The following KCNMA1 variants were observed in gnomAD, a reference collection of about 807,000 sequenced individuals.
KCNMA1 encodes Calcium-activated potassium channel subunit alpha-1.
In KCNMA1, 29 loss-of-function variants were observed where a neutral mutation model predicts 140.0. The ratio of observed to expected loss-of-function variants is 0.21; its 90% confidence interval spans 0.15 to 0.28. The LOEUF is 0.28. Ranked by LOEUF, KCNMA1 falls within the 10% of genes least tolerant of loss-of-function variation. The pLI, the probability that KCNMA1 is intolerant of heterozygous loss-of-function variation, is 1.00. For missense variants in KCNMA1, 880 were observed against 1,602.2 expected (o/e 0.55, Z 7.70); for synonymous variants, 612 against 611.9 (o/e 1.00, Z 0.00).
intron 3 of KCNMA1, among the ~76,000 whole-genome samples, chr10:77,230,481 G>A (rs2053209870): frequency 6.6e-6 from 1 of 152,156 alleles, no homozygotes; most frequent in South Asian, 2.1e-4. Context: ...ACAAAAGAGT[G>A]GTAAAGTTAG....
chr10:77,438,758 A>G (rs996793953), intron 1 of KCNMA1, among the ~76,000 whole-genome samples: 10 of 152,092 alleles, frequency 6.6e-5, no homozygotes, highest in African/African-American at 2.4e-4. Context: ...TTCTCTCCAC[A>G]ACATTTTATT....
chr10:76,886,830 A>G lies in KCNMA1; in HGVS notation c.*436T>C, dbSNP rs201541918. On this transcript the variant is annotated 3_prime_UTR_variant, in exon 28 of 28. Coordinates refer to ENST00000286628, the MANE Select transcript of KCNMA1 (RefSeq NM_001161352.2). The stretch of plus-strand genomic sequence containing the variant: ...TAACTTATTGTGTGTATAAAAAAAG[A>G]AAGAAAGGAAAACAACAACAACAAC... 9.1e-5 allele frequency: 98 copies of G among 1,078,672 alleles called. No individual in the cohort carries two copies. In the African/African-American group the frequency reaches 1.5e-3, roughly 17 times the overall value. 66.8% of individuals were successfully genotyped at this position (1,078,672 alleles called of 1,614,324 possible).
Position 77,585,827 on chromosome 10 carries a change from A to G in KCNMA1, c.378+51438T>C, listed in dbSNP as rs2077130560. Among the ~76,000 whole-genome samples, 4 of 152,162 alleles carry G rather than the reference A, an allele frequency of 2.6e-5. No homozygotes were observed. In the South Asian group the frequency reaches 8.3e-4, roughly 32 times the overall value. On this transcript the variant is annotated intron_variant, in intron 1 of 27. Transcript: ENST00000286628. The stretch of plus-strand genomic sequence containing the variant: ...TATCAGACCACAGCTCCTTGAAGAC[A>G]AATACTGAGATTCATGCATTGTTAT...
rs1491457588 is a variant in KCNMA1 at position 77,382,994 on chromosome 10, G to GTGTGTGTGTGTA, written c.540+20867_540+20868insTACACACACACA. ...TGTGTGTGTGTGTGTGTGTGTGTGT[G>GTGTGTGTGTGTA]TATATATATATATATATATATATAT... On this transcript the variant is annotated intron_variant, in intron 2 of 27. Coordinates refer to ENST00000286628, the MANE Select transcript of KCNMA1 (RefSeq NM_001161352.2). 3.6e-3 allele frequency among the ~76,000 whole-genome samples: 168 copies of GTGTGTGTGTGTA among 46,392 alleles called. 2 individuals carry two copies. Among genetic ancestry groups the GTGTGTGTGTGTA allele is most frequent in the East Asian group, 0.01 (22 of 2,180 alleles). The allele number at this position is 46,392 out of a possible 152,430, so 30.4% of individuals were successfully genotyped here.
chr10:77,444,826 C>A, intron 1 of KCNMA1, among the ~76,000 whole-genome samples: 1 of 152,242 alleles, frequency 6.6e-6, no homozygotes, highest in Non-Finnish European at 1.5e-5. Flanking sequence ...AAAAACACAC[C>A]CAAGAGTTAC....
At chr10:77,078,208 C>T (rs534409241) in intron 13 of KCNMA1, 1 of 152,340 alleles carries the variant, frequency 6.6e-6, no homozygotes, top group Non-Finnish European at 1.5e-5. Flanking sequence ...TACTCATAAC[C>T]CAGCAGCGAG....
intron 15 of KCNMA1, among the ~76,000 whole-genome samples, chr10:77,033,190 G>A (rs558039477): frequency 6.6e-6 from 1 of 152,150 alleles, no homozygotes; most frequent in South Asian, 2.1e-4. Context: ...CGAGGGGCTG[G>A]AATGGAAAAG....
In KCNMA1 at chr10:77,514,074, T is replaced by A. The variant is rs1181965292; in HGVS notation, c.379-110051A>T. 2.6e-5 allele frequency among the ~76,000 whole-genome samples: 4 copies of A among 152,184 alleles called. No homozygotes were observed. In the East Asian group the frequency reaches 7.7e-4, roughly 29 times the overall value. ...AAGTTTCGCAGGCTGAAAAATCAATTTGCCCGCCTGGCACCTGGGTCTGGG... is the reference window on the plus strand; with the variant it reads ...AAGTTTCGCAGGCTGAAAAATCAATATGCCCGCCTGGCACCTGGGTCTGGG... On this transcript the variant is annotated intron_variant, in intron 1 of 27. Transcript: ENST00000286628.
intron 1 of KCNMA1, among the ~76,000 whole-genome samples, chr10:77,570,611 T>C (rs1268705813): frequency 1.7e-5 from 1 of 58,690 alleles, no homozygotes; most frequent in Non-Finnish European, 3.6e-5. Context: ...GGGGGAGGGA[T>C]AGCATTGGGA....
At chr10:77,517,021 G>T (rs1357198143) in intron 1 of KCNMA1, among the ~76,000 whole-genome samples, 2 of 151,850 alleles carry the variant, frequency 1.3e-5, no homozygotes, top group Admixed American at 6.6e-5. Context: ...CAAAAGGTGA[G>T]GGGAAGCCGG....
intron 2 of KCNMA1, among the ~76,000 whole-genome samples, chr10:77,352,543 C>T (rs1334763668): frequency 6.6e-6 from 1 of 152,126 alleles, no homozygotes; most frequent in Admixed American, 6.6e-5. Context: ...TTCATTTAAA[C>T]TTAAACAACC....
At chr10:77,250,785 C>T (rs907882170) in intron 3 of KCNMA1, 5 of 227,114 alleles carry the variant, frequency 2.2e-5, no homozygotes, top group African/African-American at 1.1e-4. Flanking sequence ...ATTGGAAACC[C>T]AATTGAGAAA....
At chr10:77,396,582 A>G (rs976881752) in intron 2 of KCNMA1, among the ~76,000 whole-genome samples, 1 of 152,248 alleles carries the variant, frequency 6.6e-6, no homozygotes, top group Non-Finnish European at 1.5e-5. Flanking sequence ...CAATAGGATT[A>G]TTCCTATTTG....
intron 1 of KCNMA1, among the ~76,000 whole-genome samples, chr10:77,529,849 G>A (rs2154552627): frequency 6.6e-6 from 1 of 152,210 alleles, no homozygotes; most frequent in East Asian, 1.9e-4. Flanking sequence ...CCAGTTTGGA[G>A]TGGACAGCCT....
At chr10:77,459,733 G>C (rs917055486) in intron 1 of KCNMA1, among the ~76,000 whole-genome samples, 1 of 152,174 alleles carries the variant, frequency 6.6e-6, no homozygotes, top group Non-Finnish European at 1.5e-5. Flanking sequence ...CCAGGGGCCC[G>C]CTCTTGGCAT....
chr10:77,357,714 A>T (rs980440991), intron 2 of KCNMA1, among the ~76,000 whole-genome samples: 2 of 152,218 alleles, frequency 1.3e-5, no homozygotes, highest in Admixed American at 6.5e-5. Context: ...TCTACATACA[A>T]ATTGATGTTT....
chr10:77,459,555 A>G (rs2097821807), intron 1 of KCNMA1, among the ~76,000 whole-genome samples: 1 of 152,244 alleles, frequency 6.6e-6, no homozygotes, highest in Non-Finnish European at 1.5e-5. Context: ...TGAGAGACAC[A>G]GTTGGAGACT....
intron 2 of KCNMA1, among the ~76,000 whole-genome samples, chr10:77,351,332 AG>A (rs2092853424): frequency 6.6e-6 from 1 of 152,214 alleles, no homozygotes; most frequent in Non-Finnish European, 1.5e-5. Flanking sequence ...TATTTGGGGA[AG>A]TTTATCCTTC....
intron 1 of KCNMA1, chr10:77,633,984 A>G: frequency 4.8e-6 from 1 of 209,594 alleles, no homozygotes; most frequent in Non-Finnish European, 8.3e-6. Flanking sequence ...AGAAACTTTA[A>G]CCCTCATTCC....
Sources: gnomAD v4.1 joint callset for allele counts (sites outside exome capture counted in the v4.1 genomes callset) on GRCh38, gnomAD v4.1.1 for gene constraint, MANE v1.5 for transcripts, NCBI Gene and HGNC (gene_info 2026-07-23, HGNC 2026-07-21) for gene names.